Variants in GABRB1 observed in about 807,000 individuals in gnomAD.
The protein encoded by GABRB1 is gamma-aminobutyric acid type A receptor subunit beta1.
In GABRB1, 17 loss-of-function variants were observed where a neutral mutation model predicts 51.6. That is an observed-to-expected ratio of 0.33 (90% CI 0.23 to 0.49). The LOEUF (loss-of-function observed/expected upper bound fraction) is 0.49, where lower values mean the gene tolerates loss of function less well. GABRB1 is among the 20% of genes least tolerant of loss of function. The pLI is 0.99. For missense variants in GABRB1, 410 were observed against 600.6 expected, an observed-to-expected ratio of 0.68 and a Z score of 3.32; for synonymous variants, 247 against 218.9, an observed-to-expected ratio of 1.13 and a Z score of -1.14.
chr4:47,087,342 A>G (rs1044144169), intron 3 of GABRB1, among the ~76,000 whole-genome samples: 2 of 152,110 alleles, frequency 1.3e-5, no homozygotes, highest in African/African-American at 4.8e-5. Context: ...TACATATAAC[A>G]TTGTATATAA....
In GABRB1 at chr4:47,041,971, G is replaced by A. The variant is rs551737464; in HGVS notation, c.240+9487G>A. On this transcript the variant is annotated intron_variant, in intron 3 of 8. Coordinates refer to ENST00000295454, the MANE Select transcript of GABRB1 (RefSeq NM_000812.4). ...TTATACTGGAGAAAGAATATCTGGG[G>A]CATATTAGGAAATCAAGACTCATAA... 2.0e-5 allele frequency among the ~76,000 whole-genome samples: 3 copies of A among 152,056 alleles called. No homozygotes were observed. In the East Asian group the frequency reaches 5.8e-4, roughly 29 times the overall value.
chr4:47,253,234 T>C (rs923451544), intron 4 of GABRB1, among the ~76,000 whole-genome samples: 1 of 152,214 alleles, frequency 6.6e-6, no homozygotes. Context: ...TTTTTTACCG[T>C]TAGGCATTTG....
At chr4:47,213,521 T>C (rs73144188) in intron 4 of GABRB1, among the ~76,000 whole-genome samples, 2,244 of 151,938 alleles carry the variant, frequency 0.015, 51 homozygotes, top group African/African-American at 0.052. Flanking sequence ...CTCGTTTCCC[T>C]CTCATTTTTT....
chr4:47,263,062 AG>A (rs1722506322), intron 4 of GABRB1, among the ~76,000 whole-genome samples: 1 of 82,700 alleles, frequency 1.2e-5, no homozygotes. Flanking sequence ...GGGAGGGGGG[AG>A]GGATAGCTTT....
At chr4:47,022,380 T>C (rs947442030) in intron 1 of GABRB1, among the ~76,000 whole-genome samples, 1 of 152,184 alleles carries the variant, frequency 6.6e-6, no homozygotes, top group African/African-American at 2.4e-5. Flanking sequence ...TCCTCAGAAT[T>C]TTAAAAACAT....
chr4:47,230,490 C>T (rs186989241), intron 4 of GABRB1, among the ~76,000 whole-genome samples: 3 of 152,240 alleles, frequency 2.0e-5, no homozygotes, highest in Admixed American at 2.0e-4. Context: ...CACCCAGTGG[C>T]CCCCTTGGAA....
chr4:47,126,793 T>G (rs926344556), intron 3 of GABRB1, among the ~76,000 whole-genome samples: 5 of 152,042 alleles, frequency 3.3e-5, no homozygotes, highest in Non-Finnish European at 5.9e-5. Context: ...AAGGTTGAAC[T>G]AATGACTATG....
chr4:47,008,879 T>G (rs1475458139), intron 1 of GABRB1, among the ~76,000 whole-genome samples: 1 of 124,672 alleles, frequency 8.0e-6, no homozygotes, highest in Admixed American at 8.2e-5. Context: ...TTTTTTTTTT[T>G]TTTGAGACGA....
rs111422853 is a variant in GABRB1, at chr4:47,025,891, T to A, written c.-19-6023T>A. 2.9e-3 allele frequency among the ~76,000 whole-genome samples: 434 copies of A among 152,162 alleles called. 3 individuals are homozygous for A. The highest frequency in any genetic ancestry group is 9.4e-3 in the African/African-American group (391 of 41,578). ...GCCTTTACTACTTCCGTTTTTTTTG[T>A]AATGCCATCAACTTTAAAACTCAAA... On this transcript the variant is annotated intron_variant, in intron 1 of 3. Coordinates refer to the GABRB1 transcript ENST00000513567.
intron 5 of GABRB1, among the ~76,000 whole-genome samples, chr4:47,338,730 G>A (rs1419992357): frequency 6.6e-6 from 1 of 152,222 alleles, no homozygotes; most frequent in East Asian, 1.9e-4. Flanking sequence ...TGCTCAGCCC[G>A]CTTGGTAGAA....
intron 4 of GABRB1, among the ~76,000 whole-genome samples, chr4:47,243,108 A>G (rs1231234522): frequency 6.6e-6 from 1 of 152,212 alleles, no homozygotes; most frequent in Non-Finnish European, 1.5e-5. Flanking sequence ...ACATATGGCT[A>G]GCCAGTTTTC....
intron 1 of GABRB1, among the ~76,000 whole-genome samples, chr4:47,024,467 C>G (rs1225695896): frequency 6.6e-6 from 1 of 151,946 alleles, no homozygotes; most frequent in Non-Finnish European, 1.5e-5. Context: ...ATTTATTCAG[C>G]TTTAGTATGT....
chr4:47,109,109 A>C (rs746645366), intron 3 of GABRB1, among the ~76,000 whole-genome samples: 1 of 152,122 alleles, frequency 6.6e-6, no homozygotes, highest in Non-Finnish European at 1.5e-5. Flanking sequence ...ATGGGATATT[A>C]CTAATATTTT....
At chr4:47,041,100 G>T (rs530322417) in intron 3 of GABRB1, among the ~76,000 whole-genome samples, 48 of 152,268 alleles carry the variant, frequency 3.2e-4, no homozygotes, top group African/African-American at 1.1e-3. Context: ...AGCAGTGTGA[G>T]TTCTTGTAGA....
intron 5 of GABRB1, among the ~76,000 whole-genome samples, chr4:47,381,698 C>T (rs1287888147): frequency 6.6e-6 from 1 of 152,174 alleles, no homozygotes; most frequent in Non-Finnish European, 1.5e-5. Flanking sequence ...GGGTCAGAGA[C>T]AGACACAGGC....
chr4:47,042,922 T>G (rs1725921679), intron 3 of GABRB1, among the ~76,000 whole-genome samples: 1 of 151,980 alleles, frequency 6.6e-6, no homozygotes. Context: ...TGTTTTAAAA[T>G]GTCAACTTTT....
intron 4 of GABRB1, among the ~76,000 whole-genome samples, chr4:47,262,521 G>C (rs935476318): frequency 6.6e-6 from 1 of 151,988 alleles, no homozygotes; most frequent in Non-Finnish European, 1.5e-5. Context: ...TTAGAATGGC[G>C]ATCATTAAAA....
Position 47,019,944 on chromosome 4 carries a change from A to ATACGTATACGTATACGTG in GABRB1, c.-19-11968_-19-11967insCGTATACGTATACGTGTA, listed in dbSNP as rs1189774993. Among the ~76,000 whole-genome samples the ATACGTATACGTATACGTG allele has an allele frequency of 2.2e-3, 337 of 150,732 alleles. 3 individuals are homozygous for ATACGTATACGTATACGTG. The highest frequency in any genetic ancestry group is 7.9e-3 in the African/African-American group (325 of 40,992). Reference sequence around the variant, plus strand: ...TATACGTATATGTATACGTATATGTATATGTATATGTATATATATTTTGTA... The same window carrying ATACGTATACGTATACGTG: ...TATACGTATATGTATACGTATATGTATACGTATACGTATACGTGTATGTATATGTATATATATTTTGTA... On this transcript the variant is annotated intron_variant, in intron 1 of 3. Coordinates refer to the GABRB1 transcript ENST00000513567.
At chr4:47,333,235 T>TATATAC (rs1553875883) in intron 5 of GABRB1, among the ~76,000 whole-genome samples, 3 of 33,384 alleles carry the variant, frequency 9.0e-5, no homozygotes, top group East Asian at 4.4e-4. Context: ...TATATATATA[T>TATATAC]ACACACCACG....
Sources: gnomAD v4.1 joint callset for allele counts (sites outside exome capture counted in the v4.1 genomes callset) on GRCh38, gnomAD v4.1.1 for gene constraint, MANE v1.5 for transcripts, NCBI Gene and HGNC (gene_info 2026-07-23, HGNC 2026-07-21) for gene names.